The following ARHGAP8 variants were observed in gnomAD, a reference collection of about 807,000 sequenced individuals.
ARHGAP8 encodes the protein Rho GTPase activating protein 8.
Under a neutral mutation model 46.1 loss-of-function variants are expected in ARHGAP8, and 62 were observed. That is an observed-to-expected ratio of 1.34 (90% CI 1.10 to 1.66). The LOEUF is 1.66. ARHGAP8 is among the 40% of genes most tolerant of loss of function. The pLI is 0.00. For synonymous variants in ARHGAP8, 375 were observed against 243.1 expected (o/e 1.54, Z -5.05); for missense variants, 923 against 568.4 (o/e 1.62, Z -6.34).
At chr22:44,839,956 A>C (rs1931545074) in intron 7 of ARHGAP8, among the ~76,000 whole-genome samples, 1 of 152,118 alleles carries the variant, frequency 6.6e-6, no homozygotes, top group Non-Finnish European at 1.5e-5. Context: ...CATCCAAGAC[A>C]TGCCTTATGT....
At chr22:44,790,825 C>T (rs1019233450) in intron 2 of ARHGAP8, among the ~76,000 whole-genome samples, 3 of 151,314 alleles carry the variant, frequency 2.0e-5, no homozygotes, top group South Asian at 2.1e-4. Flanking sequence ...GTCCGCCTCC[C>T]GGGTTCAAGG....
In ARHGAP8 at chr22:44,861,870, C is replaced by G. The variant is rs988459885; in HGVS notation, c.982-405C>G. Among the ~76,000 whole-genome samples the G allele has an allele frequency of 3.3e-5, 5 of 152,168 alleles. No homozygotes were observed. The East Asian group carries it at 9.6e-4, about 29-fold the overall frequency. On this transcript the variant is annotated intron_variant, in intron 11 of 11. Coordinates refer to ENST00000356099, the MANE Select transcript of ARHGAP8 (RefSeq NM_181335.3). ...CCACTCTCCCTGCCCCTCGTAGTGG[C>G]CCCTAGATGTGCTGGCTGGTCCCCA...
intron 10 of ARHGAP8, among the ~76,000 whole-genome samples, chr22:44,858,537 TTTTTTTTTTTTTTTAAG>T (rs2070311431): frequency 7.8e-6 from 1 of 127,660 alleles, no homozygotes; most frequent in African/African-American, 3.2e-5. Context: ...ACCCGGCTTT[TTTTTTTTTTTTTTTAAG>T]TAACAGGGTT....
intron 8 of ARHGAP8, among the ~76,000 whole-genome samples, chr22:44,847,028 C>T (rs770714909): frequency 7.9e-5 from 12 of 152,230 alleles, no homozygotes; most frequent in African/African-American, 1.4e-4. Flanking sequence ...CGGGAGCGTG[C>T]GGGGCTTCGA....
In ARHGAP8 at chr22:44,808,347, T is replaced by C. The variant is rs1326063145; in HGVS notation, c.208T>C (p.Tyr70His). The C allele has an allele frequency of 4.3e-6, 7 of 1,614,260 alleles. No individual in the cohort carries two copies. Among genetic ancestry groups the C allele is most frequent in the Non-Finnish European group, 5.9e-6 (7 of 1,180,042 alleles). Residue 70 changes from tyrosine to histidine, a missense_variant, in exon 4 of 12, where the codon TAT (tyrosine) becomes CAT (histidine). Tyr to His is a moderately conservative substitution (Grantham distance 83, BLOSUM62 2). Transcript: ENST00000356099. ...ACTGGACCAATACGTTGAGAACGAT[T>C]ATACCATCGTCTATTTCCACTACGG... ...YTLDQYVEND[Y>H]TIVYFHYGLN... is the part of the protein sequence containing the mutation.
intron 4 of ARHGAP8, among the ~76,000 whole-genome samples, chr22:44,810,439 A>T (rs1294350404): frequency 1.3e-5 from 2 of 151,968 alleles, no homozygotes; most frequent in Non-Finnish European, 2.9e-5. Flanking sequence ...ACGGGGTTTC[A>T]CTATGTTGGC....
intron 1 of ARHGAP8, among the ~76,000 whole-genome samples, chr22:44,774,285 G>A (rs1165802288): frequency 6.6e-6 from 1 of 152,186 alleles, no homozygotes; most frequent in Non-Finnish European, 1.5e-5. Flanking sequence ...CGTTTTAGCA[G>A]TCATTTCCGA....
chr22:44,843,404 T>G (rs1931775794), intron 7 of ARHGAP8, among the ~76,000 whole-genome samples: 1 of 152,140 alleles, frequency 6.6e-6, no homozygotes, highest in South Asian at 2.1e-4. Context: ...AAATGGCAAA[T>G]ATGTGTAAAT....
At chr22:44,860,413 C>T (rs565640668) in intron 11 of ARHGAP8, among the ~76,000 whole-genome samples, 5 of 151,970 alleles carry the variant, frequency 3.3e-5, no homozygotes, top group African/African-American at 7.3e-5. Flanking sequence ...GCTATGCCTC[C>T]AGCTCCCCCC....
At chr22:44,857,732 A>T (rs2147188403) in intron 10 of ARHGAP8, among the ~76,000 whole-genome samples, 1 of 152,312 alleles carries the variant, frequency 6.6e-6, no homozygotes, top group African/African-American at 2.4e-5. Context: ...GAGGTCAGAG[A>T]GTCCTCGAGG....
intron 2 of ARHGAP8, among the ~76,000 whole-genome samples, chr22:44,791,171 G>C (rs1927654786): frequency 8.0e-6 from 1 of 125,468 alleles, no homozygotes; most frequent in Non-Finnish European, 1.8e-5. Flanking sequence ...CCAGGGTTTA[G>C]CCTGGGAGGG....
At chr22:44,856,808 A>C (rs796309541) in intron 10 of ARHGAP8, among the ~76,000 whole-genome samples, 1 of 144,986 alleles carries the variant, frequency 6.9e-6, no homozygotes, top group South Asian at 2.1e-4. Context: ...CGCTGAAGTC[A>C]AAACCAAAGA....
intron 3 of ARHGAP8, among the ~76,000 whole-genome samples, chr22:44,805,538 T>C (rs1265451404): frequency 6.6e-6 from 1 of 151,806 alleles, no homozygotes; most frequent in African/African-American, 2.4e-5. Context: ...CCAAGATTCC[T>C]TTACTATTAG....
At chr22:44,848,117 A>C in intron 9 of ARHGAP8, 67 bp downstream of exon 9, 1 of 1,580,796 alleles carries the variant, frequency 6.3e-7, no homozygotes. Context: ...CCGGGGCCTC[A>C]GAGCGGAGGC....
At chr22:44,859,038 G>A (rs2070335173) in intron 10 of ARHGAP8, among the ~76,000 whole-genome samples, 1 of 151,810 alleles carries the variant, frequency 6.6e-6, no homozygotes, top group African/African-American at 2.4e-5. Context: ...AACAGGCAGT[G>A]GGCCAGATCT....
At chr22:44,858,740 G>GGGGGGGGGGC (rs2070322082) in intron 10 of ARHGAP8, among the ~76,000 whole-genome samples, 1 of 130,740 alleles carries the variant, frequency 7.6e-6, no homozygotes, top group African/African-American at 2.7e-5. Context: ...TAACTGGGGG[G>GGGGGGGGGGC]TCTCAGAGTG....
chr22:44,799,361 T>C (rs1263760806), intron 2 of ARHGAP8, among the ~76,000 whole-genome samples: 2 of 152,236 alleles, frequency 1.3e-5, no homozygotes, highest in Non-Finnish European at 1.5e-5. Flanking sequence ...CAACGGCATG[T>C]CCACAGACCG....
At chr22:44,767,144 C>T (rs963756989) in intron 1 of ARHGAP8, among the ~76,000 whole-genome samples, 8 of 152,178 alleles carry the variant, frequency 5.3e-5, no homozygotes, top group Non-Finnish European at 7.4e-5. Flanking sequence ...TTGTTTGATT[C>T]TCTGATAAGT....
At chr22:44,815,692 G>C (rs1929688886) in intron 5 of ARHGAP8, among the ~76,000 whole-genome samples, 1 of 152,150 alleles carries the variant, frequency 6.6e-6, no homozygotes, top group African/African-American at 2.4e-5. Context: ...ATTTAGACTT[G>C]TTCCTGCTAA....
Sources: gnomAD v4.1 joint callset for allele counts (sites outside exome capture counted in the v4.1 genomes callset) on GRCh38, gnomAD v4.1.1 for gene constraint, MANE v1.5 for transcripts, NCBI Gene and HGNC (gene_info 2026-07-23, HGNC 2026-07-21) for gene names.